CSNK1G3: variants seen among roughly 807,000 people sequenced by gnomAD.
CSNK1G3 encodes casein kinase I isoform gamma-3.
A neutral mutation model predicts 64.3 loss-of-function variants in CSNK1G3; 23 were observed. That is an observed-to-expected ratio of 0.36 (90% CI 0.26 to 0.51). The LOEUF (loss-of-function observed/expected upper bound fraction) is 0.51, where lower values mean the gene tolerates loss of function less well. Among genes scored for constraint, CSNK1G3 ranks in the 20% least tolerant of loss-of-function variants. CSNK1G3 has a pLI of 0.96. For missense variants in CSNK1G3, 357 were observed against 510.5 expected, an observed-to-expected ratio of 0.70 and a Z score of 2.90; for synonymous variants, 158 against 162.2, an observed-to-expected ratio of 0.97 and a Z score of 0.20.
chr5:123,559,985 T>C (rs1785368235), intron 4 of CSNK1G3, among the ~76,000 whole-genome samples: 1 of 152,110 alleles, frequency 6.6e-6, no homozygotes, highest in Non-Finnish European at 1.5e-5. Context: ...TAGATATATT[T>C]AAGTAATATC....
intron 3 of CSNK1G3, among the ~76,000 whole-genome samples, chr5:123,553,572 T>C (rs1784083615): frequency 6.6e-6 from 1 of 152,202 alleles, no homozygotes; most frequent in Non-Finnish European, 1.5e-5. Context: ...TTTTAAATTG[T>C]TACTTCATAT....
intron 1 of CSNK1G3, among the ~76,000 whole-genome samples, chr5:123,541,742 A>G (rs999529235): frequency 6.6e-6 from 1 of 152,166 alleles, no homozygotes; most frequent in African/African-American, 2.4e-5. Context: ...TGTATTTAAA[A>G]TAGTTTCTTG....
At chr5:123,611,678 T>C (rs1392903043) in intron 12 of CSNK1G3, among the ~76,000 whole-genome samples, 3 of 152,210 alleles carry the variant, frequency 2.0e-5, no homozygotes, top group African/African-American at 4.8e-5. Flanking sequence ...AATACAACTT[T>C]AGAAAATTTT....
At chr5:123,560,713 G>A (rs6868420) in intron 4 of CSNK1G3, among the ~76,000 whole-genome samples, 30,207 of 152,090 alleles carry the variant, frequency 0.2, 3,108 homozygotes, top group Middle Eastern at 0.34. Flanking sequence ...GTGAAATAAG[G>A]CGGTCACAAA....
chr5:123,582,634 G>A (rs1457242245), intron 6 of CSNK1G3, among the ~76,000 whole-genome samples: 4 of 152,016 alleles, frequency 2.6e-5, no homozygotes, highest in Non-Finnish European at 4.4e-5. Context: ...GTTTCCTTAG[G>A]TGCTCATAGC....
chr5:123,524,330 T>C (rs916236953), intron 1 of CSNK1G3, among the ~76,000 whole-genome samples: 4 of 152,218 alleles, frequency 2.6e-5, no homozygotes, highest in African/African-American at 9.6e-5. Flanking sequence ...TTGGCATGAC[T>C]GAGTATTCAT....
intron 10 of CSNK1G3, among the ~76,000 whole-genome samples, chr5:123,596,387 TTGTA>T (rs371204102): frequency 6.6e-6 from 1 of 152,228 alleles, no homozygotes; most frequent in African/African-American, 2.4e-5. Flanking sequence ...AAACTATATT[TTGTA>T]TGTATCTGTA....
chr5:123,554,063 A>G (rs1381520092), intron 3 of CSNK1G3, among the ~76,000 whole-genome samples: 1 of 152,228 alleles, frequency 6.6e-6, no homozygotes, highest in Non-Finnish European at 1.5e-5. Flanking sequence ...AAGAGAGACT[A>G]TTAGGAGAAG....
chr5:123,612,247 C>A (rs1411632255), intron 12 of CSNK1G3, among the ~76,000 whole-genome samples: 1 of 152,080 alleles, frequency 6.6e-6, no homozygotes, highest in Non-Finnish European at 1.5e-5. Flanking sequence ...TAAAAAAATG[C>A]AGTTGTGTAA....
Position 123,540,477 on chromosome 5 carries a change from C to CT in CSNK1G3, c.-247-4938dup, listed in dbSNP as rs368061601. Among the ~76,000 whole-genome samples, 449 of 152,020 alleles carry CT rather than the reference C, an allele frequency of 3.0e-3. 7 individuals are homozygous for CT. Among genetic ancestry groups the CT allele is most frequent in the African/African-American group, 0.01 (434 of 41,476 alleles). ...CTTTCTCTAATATAGGCATTTAAAG[C>CT]TTCTAGTTTTCTGCTAAGCATTAGA... On this transcript the variant is annotated intron_variant, in intron 1 of 12. Transcript: ENST00000345990.
chr5:123,614,212 C>G, intron 12 of CSNK1G3, 130 bp from the exon 14 acceptor site: 1 of 720,480 alleles, frequency 1.4e-6, no homozygotes. Flanking sequence ...ACGTATGCTT[C>G]ATTGGTGTAA....
chr5:123,539,263 A>G (rs1781303018), intron 1 of CSNK1G3, among the ~76,000 whole-genome samples: 2 of 152,092 alleles, frequency 1.3e-5, no homozygotes, highest in East Asian at 1.9e-4. Flanking sequence ...AGCCTGGGCA[A>G]CATGGCAAAC....
rs1376769273 is a variant in CSNK1G3 at position 123,590,359 on chromosome 5, ACT to A, written c.845-53_845-52del. On this transcript the variant is annotated intron_variant, in intron 8 of 12. Coordinates refer to ENST00000345990, the Ensembl canonical transcript of CSNK1G3. Reference sequence around the variant, plus strand: ...GTGCTTTTAGATACTTAATTTTATTACTGAGTATTAAAGAAAAGTATAGTCCA... The same window carrying A: ...GTGCTTTTAGATACTTAATTTTATTAGAGTATTAAAGAAAAGTATAGTCCA... 6 of 890,978 alleles carry A rather than the reference ACT, an allele frequency of 6.7e-6. No homozygotes were observed. The South Asian group carries it at 8.9e-5, about 13-fold the overall frequency. The allele number at this position is 890,978 out of a possible 1,614,324, so 55.2% of individuals were successfully genotyped here.
At chr5:123,535,253 A>G (rs888514969) in intron 1 of CSNK1G3, among the ~76,000 whole-genome samples, 37 of 152,126 alleles carry the variant, frequency 2.4e-4, no homozygotes, top group Non-Finnish European at 4.0e-4. Context: ...GTGGATTCCT[A>G]TACCATTTTA....
intron 1 of CSNK1G3, among the ~76,000 whole-genome samples, chr5:123,517,339 G>T (rs950467443): frequency 6.6e-5 from 10 of 152,054 alleles, no homozygotes; most frequent in Non-Finnish European, 1.5e-4. Flanking sequence ...ATTTGTGTTT[G>T]TACCCAACAC....
At chr5:123,609,130 T>A (rs1380516648) in intron 12 of CSNK1G3, among the ~76,000 whole-genome samples, 1 of 152,164 alleles carries the variant, frequency 6.6e-6, no homozygotes, top group African/African-American at 2.4e-5. Context: ...TAATGAAAAC[T>A]GAGATAGGCT....
intron 1 of CSNK1G3, among the ~76,000 whole-genome samples, chr5:123,526,791 A>T (rs1001855388): frequency 3.3e-5 from 5 of 150,972 alleles, no homozygotes; most frequent in African/African-American, 1.2e-4. Flanking sequence ...GATGTACCTC[A>T]CCACATTTAT....
intron 9 of CSNK1G3, 45 bp downstream of exon 9, chr5:123,590,603 C>T: frequency 5.9e-6 from 7 of 1,186,106 alleles, no homozygotes; most frequent in Non-Finnish European, 8.1e-6. Context: ...TATCTGTTGC[C>T]TTTTTAATAG....
intron 1 of CSNK1G3, among the ~76,000 whole-genome samples, chr5:123,538,666 C>T (rs561263727): frequency 2.0e-5 from 3 of 152,164 alleles, no homozygotes; most frequent in Admixed American, 1.3e-4. Context: ...ACCACCATGG[C>T]GCATGTATAC....
Sources: gnomAD v4.1 joint callset for allele counts (sites outside exome capture counted in the v4.1 genomes callset) on GRCh38, gnomAD v4.1.1 for gene constraint, MANE v1.5 for transcripts, NCBI Gene and HGNC (gene_info 2026-07-23, HGNC 2026-07-21) for gene names.